The following CFAP61 variants were observed in gnomAD, a reference collection of about 807,000 sequenced individuals.
CFAP61 encodes cilia- and flagella-associated protein 61.
A neutral mutation model predicts 135.6 loss-of-function variants in CFAP61; 107 were observed. The ratio of observed to expected loss-of-function variants is 0.79; its 90% CI spans 0.67 to 0.93. The LOEUF (loss-of-function observed/expected upper bound fraction) is 0.93, where lower values mean the gene tolerates loss of function less well. Ranked by LOEUF, CFAP61 falls within the 40% of genes least tolerant of loss-of-function variation. The pLI, the probability that CFAP61 is intolerant of heterozygous loss-of-function variation, is 0.00. For missense variants in CFAP61, 1,507 were observed against 1,556.2 expected, an observed-to-expected ratio of 0.97 and a Z score of 0.53; for synonymous variants, 575 against 578.5, an observed-to-expected ratio of 0.99 and a Z score of 0.09.
chr20:20,131,960 A>C (rs576486732), intron 8 of CFAP61, among the ~76,000 whole-genome samples: 1 of 152,014 alleles, frequency 6.6e-6, no homozygotes, highest in African/African-American at 2.4e-5. Context: ...TCTTTCAACA[A>C]ATTTTTAAGT....
At chr20:20,062,413 A>G (rs1262276151) in intron 2 of CFAP61, among the ~76,000 whole-genome samples, 2 of 152,224 alleles carry the variant, frequency 1.3e-5, no homozygotes, top group Admixed American at 6.5e-5. Context: ...TTAAATGCTT[A>G]TAACAGAAGA....
rs1400161306 is a variant in CFAP61, at chr20:20,121,085, C to T, written c.860-21772C>T. Among the ~76,000 whole-genome samples, 3 of 145,134 alleles carry T rather than the reference C, an allele frequency of 2.1e-5. No homozygotes were observed. In the East Asian group the frequency reaches 6.1e-4, roughly 29 times the overall value. ...TTGCTTCTTTATCTATTCATTTGCT[C>T]TATGTCTTTTATTTTTACTTTTTTT... On this transcript the variant is annotated intron_variant, in intron 8 of 26. Transcript: ENST00000245957.
At chr20:20,227,744 A>G (rs545235436) in intron 17 of CFAP61, among the ~76,000 whole-genome samples, 10 of 152,346 alleles carry the variant, frequency 6.6e-5, no homozygotes, top group Middle Eastern at 3.4e-3. Flanking sequence ...TTGAGCATCT[A>G]CTGTCCACAA....
intron 26 of CFAP61, among the ~76,000 whole-genome samples, chr20:20,358,386 C>G (rs914485560): frequency 1.3e-5 from 2 of 152,176 alleles, no homozygotes; most frequent in Non-Finnish European, 2.9e-5. Flanking sequence ...CTGAAATAAA[C>G]TTTAAAAGTG....
intron 21 of CFAP61, among the ~76,000 whole-genome samples, chr20:20,268,756 C>CACTAATTGAA (rs1383883744): frequency 6.6e-6 from 1 of 152,028 alleles, no homozygotes; most frequent in African/African-American, 2.4e-5. Context: ...CAATTTATGG[C>CACTAATTGAA]ACTAATTGAA....
intron 26 of CFAP61, among the ~76,000 whole-genome samples, chr20:20,355,742 T>C (rs1008441892): frequency 4.2e-5 from 4 of 94,298 alleles, no homozygotes; most frequent in South Asian, 3.4e-4. Context: ...TGAGGGGAGG[T>C]AGTGACACTA....
chr20:20,337,356 G>A (rs13037172), intron 25 of CFAP61, among the ~76,000 whole-genome samples: 381 of 26,042 alleles, frequency 0.015, 1 homozygote, highest in Middle Eastern at 0.023. Flanking sequence ...GTGGGTGGGT[G>A]GATGGATGGA....
intron 8 of CFAP61, among the ~76,000 whole-genome samples, chr20:20,104,245 TTTAAC>T (rs2146651019): frequency 6.6e-6 from 1 of 152,204 alleles, no homozygotes; most frequent in Non-Finnish European, 1.5e-5. Context: ...CAATATTGCC[TTTAAC>T]TTTTTTTTTT....
intron 25 of CFAP61, chr20:20,323,376 G>T (rs936650121): frequency 1.1e-6 from 1 of 918,752 alleles, no homozygotes; most frequent in Non-Finnish European, 1.3e-6. Context: ...AAGCAAGTAT[G>T]GAATTCAAAT....
intron 18 of CFAP61, among the ~76,000 whole-genome samples, chr20:20,240,287 T>C (rs59164065): frequency 0.081 from 12,379 of 152,170 alleles, 1,251 homozygotes; most frequent in East Asian, 0.53. Flanking sequence ...CTTGGGAAGC[T>C]TGGCTAGGGA....
chr20:20,171,882 T>G, intron 13 of CFAP61: 1 of 650,326 alleles, frequency 1.5e-6, no homozygotes, highest in Non-Finnish European at 2.8e-6. Context: ...CTTTTCTTCC[T>G]TGTGCTCAGA....
Position 20,277,193 on chromosome 20 carries a change from T to A in CFAP61, c.2531T>A (p.Ile844Asn), listed in dbSNP as rs372529723. ...EGNIIVYGNT[I>N]DTYTTVETLL... is the part of the protein sequence containing the mutation. The stretch of plus-strand genomic sequence containing the variant: ...AATATCATTGTCTATGGGAATACAA[T>A]TGATACTTACACCACCGTGGAGACG... The change falls in exon 22 of 27, where the codon ATT (isoleucine) becomes AAT (asparagine). Residue 844 changes from isoleucine (I) to asparagine (N), a missense_variant. Coordinates refer to ENST00000245957, the MANE Select transcript of CFAP61 (RefSeq NM_015585.4). 5 of 1,612,630 alleles carry A rather than the reference T, an allele frequency of 3.1e-6. No homozygotes were observed. The African/African-American group carries it at 6.7e-5, about 22-fold the overall frequency.
intron 25 of CFAP61, among the ~76,000 whole-genome samples, chr20:20,318,827 C>T (rs928366388): frequency 6.6e-6 from 1 of 152,204 alleles, no homozygotes; most frequent in Non-Finnish European, 1.5e-5. Context: ...AGACAAAAAG[C>T]TTTCCTTAAA....
intron 20 of CFAP61, among the ~76,000 whole-genome samples, chr20:20,254,910 T>C (rs1360328754): frequency 3.9e-5 from 6 of 152,196 alleles, no homozygotes; most frequent in South Asian, 2.1e-4. Context: ...AAATACTACA[T>C]TGCACTGCAC....
At chr20:20,289,070 A>G in intron 23 of CFAP61, 134 bp downstream of exon 23, 1 of 615,708 alleles carries the variant, frequency 1.6e-6, no homozygotes, top group Non-Finnish European at 2.8e-6. Flanking sequence ...CCACAGAGAC[A>G]GAGAAAGGGT....
chr20:20,226,814 G>A (rs1300266714), intron 17 of CFAP61, among the ~76,000 whole-genome samples: 2 of 152,238 alleles, frequency 1.3e-5, no homozygotes, highest in Non-Finnish European at 2.9e-5. Context: ...GAGAGTGGGA[G>A]TATGCCACGT....
In CFAP61 at chr20:20,288,915, T is replaced by G. The variant is rs767927979; in HGVS notation, c.3103T>G (p.Tyr1035Asp). ...PANLDRLIPM[Y>D]KGAKIQGGIL... ...TAATCTTGACCGGCTCATCCCCATG[T>G]ACAAGGGAGCCAAGATTCAAGGTAT... The change falls in exon 23 of 27, where the codon TAC (tyrosine) becomes GAC (aspartate). Residue 1035 changes from tyrosine to aspartate, a missense_variant. Coordinates refer to ENST00000245957, the MANE Select transcript of CFAP61 (RefSeq NM_015585.4). 6.2e-7 allele frequency: 1 copy of G among 1,608,292 alleles called. No individual in the cohort carries two copies. The highest frequency in any genetic ancestry group is 8.5e-7 in the Non-Finnish European group (1 of 1,175,200).
chr20:20,054,906 GTAAT>G (rs2044182971), intron 1 of CFAP61, among the ~76,000 whole-genome samples: 2 of 152,298 alleles, frequency 1.3e-5, no homozygotes, highest in Admixed American at 1.3e-4. Context: ...CATGCTAAAA[GTAAT>G]TAGCCATTAT....
At chr20:20,059,508 C>T (rs1242643477) in intron 2 of CFAP61, among the ~76,000 whole-genome samples, 7 of 151,748 alleles carry the variant, frequency 4.6e-5, no homozygotes. Context: ...GTCCCAGCTA[C>T]TCAGGAGGCT....
Sources: gnomAD v4.1 joint callset for allele counts (sites outside exome capture counted in the v4.1 genomes callset) on GRCh38, gnomAD v4.1.1 for gene constraint, MANE v1.5 for transcripts, NCBI Gene and HGNC (gene_info 2026-07-23, HGNC 2026-07-21) for gene names.